The following DHX8 variants were observed in gnomAD, a reference collection of about 807,000 sequenced individuals.
The protein encoded by DHX8 is ATP-dependent RNA helicase DHX8.
A neutral mutation model predicts 140.7 loss-of-function variants in DHX8; 67 were observed. The ratio of observed to expected loss-of-function variants is 0.48; its 90% CI spans 0.39 to 0.58. DHX8 has a LOEUF of 0.58. DHX8 is among the 20% of genes least tolerant of loss of function. The pLI is 0.00. For synonymous variants in DHX8, 533 were observed against 553.2 expected (o/e 0.96, Z 0.51); for missense variants, 887 against 1,550.7 (o/e 0.57, Z 7.19).
intron 3 of DHX8, among the ~76,000 whole-genome samples, chr17:43,537,237 G>A (rs978170646): frequency 2.6e-5 from 4 of 152,016 alleles, no homozygotes; most frequent in Non-Finnish European, 5.9e-5. Flanking sequence ...GTGTTGGCGG[G>A]AGCCTATAAT....
At chr17:43,526,693 G>A (rs1434648111), downstream of DHX8, 33 of 1,505,814 alleles carry the variant, frequency 2.2e-5, no homozygotes, top group Non-Finnish European at 2.8e-5. Context: ...CTCTCTTCGT[G>A]TGTGTACTCG....
chr17:43,513,665 C>CT (rs1212097426), intron 17 of DHX8, among the ~76,000 whole-genome samples, 163 bp downstream of exon 17: 2 of 141,776 alleles, frequency 1.4e-5, no homozygotes, highest in Non-Finnish European at 3.1e-5. Flanking sequence ...TGTTTTTAAT[C>CT]TTTTTTTATC....
chr17:43,523,571 G>T, intron 22 of DHX8, 57 bp from the exon 23 acceptor site: 1 of 1,600,332 alleles, frequency 6.2e-7, no homozygotes, highest in South Asian at 1.1e-5. Flanking sequence ...GGACCAGGTT[G>T]ACTGTAGAGT....
At chr17:43,527,407 A>G (rs184555802), downstream of DHX8, among the ~76,000 whole-genome samples, 299 of 152,300 alleles carry the variant, frequency 2.0e-3, no homozygotes, top group African/African-American at 5.1e-3. Flanking sequence ...AGGACATGCA[A>G]TTGGGGTCTA....
chr17:43,519,161 C>T (rs899471063), intron 18 of DHX8: 2 of 152,112 alleles, frequency 1.3e-5, no homozygotes, highest in Non-Finnish European at 1.5e-5. Context: ...TGTATTTAGC[C>T]TATTAAGGAA....
chr17:43,517,277 G>A lies in DHX8; in HGVS notation c.2754G>A (p.Pro918=), dbSNP rs775324913. Residue 918 remains proline (P), a synonymous_variant, in exon 18 of 23, where the codon CCG becomes CCA. Coordinates refer to ENST00000262415, the MANE Select transcript of DHX8 (RefSeq NM_004941.3). ...YRDEMLTTNV[P]EIQRTNLAST... is the part of the protein sequence containing the mutation. Reference sequence around the variant, plus strand: ...ATGAAATGCTGACCACCAACGTGCCGGAAATCCAGAGAACCAACTTAGCAA... The same window carrying A: ...ATGAAATGCTGACCACCAACGTGCCAGAAATCCAGAGAACCAACTTAGCAA... 2.5e-5 allele frequency: 41 copies of A among 1,613,798 alleles called. No individual in the cohort carries two copies. Among genetic ancestry groups the A allele is most frequent in the South Asian group, 7.7e-5 (7 of 91,056 alleles).
chr17:43,520,283 A>C lies in DHX8; in HGVS notation c.2937+16A>C. 6.2e-7 allele frequency: 1 copy of C among 1,612,146 alleles called. No homozygotes were observed. Among genetic ancestry groups the C allele is most frequent in the Middle Eastern group, 1.7e-4 (1 of 6,014 alleles). ...GGGCCGCCGGGTAAGGGACAGACTC[A>C]ACTTCCTGTGCTTTTGGGAAGATTC... is the stretch of plus-strand genomic sequence containing the variant. On this transcript the variant is annotated intron_variant, in intron 19 of 22. Transcript: ENST00000262415.
chr17:43,484,242 G>T (rs1174541973), intron 1 of DHX8, 57 bp downstream of exon 1: 38 of 1,554,128 alleles, frequency 2.4e-5, no homozygotes, highest in Non-Finnish European at 3.1e-5. Flanking sequence ...GCGGAAGGAG[G>T]AAGGAGGAAG....
chr17:43,490,464 G>A lies in DHX8; in HGVS notation c.307+1G>A. 2 of 1,612,118 alleles carry A rather than the reference G, an allele frequency of 1.2e-6. No homozygotes were observed. The highest frequency in any genetic ancestry group is 1.7e-6 in the Non-Finnish European group (2 of 1,178,658). On this transcript the variant is annotated splice_donor_variant, in intron 3 of 22. Coordinates refer to ENST00000262415, the MANE Select transcript of DHX8 (RefSeq NM_004941.3). LOFTEE classifies it high-confidence loss of function. ...CCAGCGAAGCCTTCCACTAGCAAAG[G>A]TAAGCAGAGCTTCCAGCTGAGCTTA...
intron 17 of DHX8, 56 bp downstream of exon 17, chr17:43,513,558 A>G: frequency 6.3e-7 from 1 of 1,575,836 alleles, no homozygotes; most frequent in South Asian, 1.2e-5. Flanking sequence ...GCCTTTCTGA[A>G]ACTTTTTTAT....
intron 18 of DHX8, 87 bp from the exon 19 acceptor site, chr17:43,520,043 G>A (rs1187193100): frequency 1.3e-6 from 2 of 1,503,564 alleles, no homozygotes; most frequent in Admixed American, 1.8e-5. Context: ...TGAAGAAATG[G>A]GAAATAAAGT....
intron 2 of DHX8, among the ~76,000 whole-genome samples, chr17:43,534,433 G>C (rs897015666): frequency 1.3e-5 from 2 of 152,176 alleles, no homozygotes; most frequent in African/African-American, 4.8e-5. Context: ...GGCGGGGATT[G>C]CAGTGAGCCG....
intron 2 of DHX8, 25 bp downstream of exon 2, chr17:43,489,559 C>T: frequency 7.1e-7 from 1 of 1,400,500 alleles, no homozygotes; most frequent in Non-Finnish European, 1.0e-6. Context: ...AGAAGATAAT[C>T]TGTAGATATT....
chr17:43,505,856 T>A (rs1339577607), intron 12 of DHX8, among the ~76,000 whole-genome samples: 1 of 151,986 alleles, frequency 6.6e-6, no homozygotes, highest in Non-Finnish European at 1.5e-5. Flanking sequence ...TTCAACAATA[T>A]CTTATATGTA....
intron 2 of DHX8, among the ~76,000 whole-genome samples, chr17:43,535,521 C>T (rs1470412076): frequency 1.3e-5 from 2 of 152,152 alleles, no homozygotes; most frequent in African/African-American, 2.4e-5. Context: ...ATGTGATCCA[C>T]GCGCCTCAGC....
At chr17:43,485,976 C>T (rs1214737573) in intron 1 of DHX8, among the ~76,000 whole-genome samples, 1 of 152,122 alleles carries the variant, frequency 6.6e-6, no homozygotes, top group Non-Finnish European at 1.5e-5. Flanking sequence ...ACAGGCCGAT[C>T]CCCTGAGGTC....
rs1970545960 is a variant in DHX8, at chr17:43,524,709, C to T, written c.*862C>T. The stretch of plus-strand genomic sequence containing the variant: ...CCTTTTGAAACATACTAAGTAACAA[C>T]ACAGCTTTTATTTTATTTTGTTTTT... On this transcript the variant is annotated 3_prime_UTR_variant, in exon 23 of 23. Coordinates refer to ENST00000262415, the MANE Select transcript of DHX8 (RefSeq NM_004941.3). 1.0e-6 allele frequency: 1 copy of T among 985,450 alleles called. No individual in the cohort carries two copies. The highest frequency in any genetic ancestry group is 5.2e-4 in the Middle Eastern group (1 of 1,914). The allele number at this position is 985,450 out of a possible 1,614,324, so 61.0% of individuals were successfully genotyped here. A position where few individuals can be genotyped will look rare whatever the true frequency, so the allele number is the denominator to read the frequency against.
Position 43,522,243 on chromosome 17 carries a change from C to T in DHX8, c.3443+17C>T, listed in dbSNP as rs773569946. 4 of 1,609,754 alleles carry T rather than the reference C, an allele frequency of 2.5e-6. No individual in the cohort carries two copies. Among genetic ancestry groups the T allele is most frequent in the Non-Finnish European group, 3.4e-6 (4 of 1,177,134 alleles). On this transcript the variant is annotated intron_variant, in intron 22 of 22. Coordinates refer to ENST00000262415, the MANE Select transcript of DHX8 (RefSeq NM_004941.3). ...GCCAGAATGGTAGGTGGACATGTCCCAGGGTCTAGGGGCTTTTCTGGGCAG... is the reference window on the plus strand; with the variant it reads ...GCCAGAATGGTAGGTGGACATGTCCTAGGGTCTAGGGGCTTTTCTGGGCAG...
At chr17:43,515,573 A>G (rs1160570052) in intron 17 of DHX8, among the ~76,000 whole-genome samples, 5 of 152,216 alleles carry the variant, frequency 3.3e-5, no homozygotes, top group Admixed American at 3.3e-4. Flanking sequence ...TATGTGGTAG[A>G]TATTATTTTC....
Sources: allele counts gnomAD v4.1 joint callset (sites outside exome capture counted in the v4.1 genomes callset), GRCh38; gene constraint gnomAD v4.1.1; transcripts MANE v1.5; gene names NCBI Gene and HGNC (gene_info 2026-07-23, HGNC 2026-07-21).